Variants in TM9SF4 observed in about 807,000 individuals in gnomAD.
TM9SF4 encodes the protein transmembrane 9 superfamily member 4, also known as dinucleotide oxidase disulfide thiol exchanger 3 superfamily member 4.
In TM9SF4, 26 loss-of-function variants were observed where a neutral mutation model predicts 90.4. The ratio of observed to expected loss-of-function variants is 0.29; its 90% CI spans 0.21 to 0.40. TM9SF4 has a LOEUF of 0.40. Ranked by LOEUF, TM9SF4 falls within the 10% of genes least tolerant of loss-of-function variation. TM9SF4 has a pLI of 1.00. For missense variants in TM9SF4, 549 were observed against 834.8 expected (o/e 0.66, Z 4.22); for synonymous variants, 293 against 315.4 (o/e 0.93, Z 0.75).
intron 6 of TM9SF4, among the ~76,000 whole-genome samples, chr20:32,143,831 C>G (rs538872637): frequency 7.9e-4 from 120 of 152,286 alleles, no homozygotes; most frequent in Middle Eastern, 3.4e-3. Flanking sequence ...CACATCTCCC[C>G]TGGGAGCTTC....
intron 12 of TM9SF4, among the ~76,000 whole-genome samples, chr20:32,153,720 A>C (rs2046876262): frequency 6.6e-6 from 1 of 152,118 alleles, no homozygotes; most frequent in South Asian, 2.1e-4. Flanking sequence ...CTCCAGCCTG[A>C]GTGACAGAGT....
chr20:32,153,596 T>A (rs1282864457), intron 12 of TM9SF4, among the ~76,000 whole-genome samples: 1 of 151,674 alleles, frequency 6.6e-6, no homozygotes, highest in East Asian at 1.9e-4. Context: ...AAAAAATAAA[T>A]TACTTGGATG....
chr20:32,152,005 G>T (rs1156605274), intron 12 of TM9SF4, among the ~76,000 whole-genome samples: 1 of 151,670 alleles, frequency 6.6e-6, no homozygotes, highest in African/African-American at 2.4e-5. Flanking sequence ...GGGACTACAG[G>T]TGCCCACCAC....
chr20:32,122,368 A>T (rs1284403902), intron 1 of TM9SF4, among the ~76,000 whole-genome samples: 2 of 150,168 alleles, frequency 1.3e-5, no homozygotes, highest in East Asian at 4.0e-4. Flanking sequence ...CACTTCCCAG[A>T]CGGGGTGGCT....
chr20:32,125,208 C>T (rs562142963), intron 1 of TM9SF4, among the ~76,000 whole-genome samples: 63 of 152,240 alleles, frequency 4.1e-4, no homozygotes, highest in African/African-American at 1.5e-3. Context: ...TCTTGTGCAA[C>T]CCAAAACAAG....
At chr20:32,145,994 G>A (rs2046757132) in intron 8 of TM9SF4, among the ~76,000 whole-genome samples, 1 of 152,198 alleles carries the variant, frequency 6.6e-6, no homozygotes, top group Non-Finnish European at 1.5e-5. Flanking sequence ...AGCGAGATAA[G>A]CTCAGCAAGA....
intron 1 of TM9SF4, among the ~76,000 whole-genome samples, chr20:32,111,247 C>T (rs886873732): frequency 2.6e-5 from 4 of 152,086 alleles, no homozygotes; most frequent in African/African-American, 9.7e-5. Flanking sequence ...ATGTTGAAAC[C>T]TACATATATG....
At chr20:32,149,066 T>G (rs1453071236) in intron 9 of TM9SF4, among the ~76,000 whole-genome samples, 1 of 152,234 alleles carries the variant, frequency 6.6e-6, no homozygotes, top group Non-Finnish European at 1.5e-5. Flanking sequence ...CATAGTGTGA[T>G]CCCAATGTTA....
chr20:32,166,661 TAGAA>T lies in TM9SF4; in HGVS notation c.*1222_*1225del, dbSNP rs1199486363. The T allele has an allele frequency of 6.6e-6, 1 of 152,252 alleles. No individual in the cohort carries two copies. The highest frequency in any genetic ancestry group is 6.5e-5 in the Admixed American group (1 of 15,284). The allele number at this position is 152,252 out of a possible 1,614,324, so 9.4% of individuals were successfully genotyped here. ...CCCAGGAATGGACAAGAAGCCAACT[TAGAA>T]AGAAGGGTCTCACGTGGCTGGCCTG... On this transcript the variant is annotated 3_prime_UTR_variant, in exon 18 of 18. Coordinates refer to ENST00000398022, the MANE Select transcript of TM9SF4 (RefSeq NM_014742.4).
intron 16 of TM9SF4, chr20:32,161,051 A>T: frequency 3.2e-6 from 1 of 313,474 alleles, no homozygotes; most frequent in Non-Finnish European, 5.8e-6. Context: ...TTTTTTTTTT[A>T]ATGAGGTATA....
chr20:32,141,143 G>C (rs904405177), intron 3 of TM9SF4, among the ~76,000 whole-genome samples: 1 of 150,156 alleles, frequency 6.7e-6, no homozygotes, highest in Non-Finnish European at 1.5e-5. Context: ...CCTGAACCCA[G>C]GAGGCAGAGT....
chr20:32,110,074 C>T (rs2046118244), intron 1 of TM9SF4: 2 of 1,266,982 alleles, frequency 1.6e-6, no homozygotes, highest in Non-Finnish European at 2.0e-6. Flanking sequence ...CCTCCCTGTC[C>T]TGACCCCTCT....
intron 1 of TM9SF4, among the ~76,000 whole-genome samples, chr20:32,131,012 T>G (rs2046502101): frequency 6.6e-6 from 1 of 152,118 alleles, no homozygotes; most frequent in African/African-American, 2.4e-5. Context: ...TAAAAAGTTC[T>G]TTTAAAAAAA....
intron 1 of TM9SF4, among the ~76,000 whole-genome samples, chr20:32,112,180 C>A (rs567358108): frequency 9.9e-5 from 15 of 152,242 alleles, no homozygotes; most frequent in African/African-American, 3.6e-4. Flanking sequence ...GAGACCAAAG[C>A]TGGGAGATCG....
intron 6 of TM9SF4, among the ~76,000 whole-genome samples, chr20:32,143,369 A>G (rs1049456938): frequency 4.6e-5 from 7 of 152,180 alleles, no homozygotes; most frequent in African/African-American, 1.7e-4. Flanking sequence ...CAAAGGAAGA[A>G]CTAGAGGCTC....
chr20:32,160,920 A>G (rs991788736), intron 16 of TM9SF4, among the ~76,000 whole-genome samples: 1 of 122,940 alleles, frequency 8.1e-6, no homozygotes, highest in Non-Finnish European at 1.6e-5. Flanking sequence ...ACTGCACTCC[A>G]TCCTGGGCGA....
chr20:32,141,481 G>A lies in TM9SF4; in HGVS notation c.230-16G>A, dbSNP rs769621358. The A allele has an allele frequency of 5.6e-6, 9 of 1,613,418 alleles. No homozygotes were observed. The highest frequency in any genetic ancestry group is 6.8e-6 in the Non-Finnish European group (8 of 1,179,562). ...AGGGCTGAAGCTCTGAGCTTGATCT[G>A]TCTCTCTTACGGCAGGAGAGGTGCT... On this transcript the variant is annotated splice_polypyrimidine_tract_variant and intron_variant, in intron 3 of 17. Coordinates refer to ENST00000398022, the MANE Select transcript of TM9SF4 (RefSeq NM_014742.4).
At chr20:32,157,747 C>A in intron 13 of TM9SF4, 47 bp from the exon 14 acceptor site, 1 of 1,603,854 alleles carries the variant, frequency 6.2e-7, no homozygotes, top group Non-Finnish European at 8.5e-7. Context: ...CAGCCCCCAT[C>A]CCGGGCATCA....
At chr20:32,112,693 CAAA>C (rs11406793) in intron 1 of TM9SF4, among the ~76,000 whole-genome samples, 5 of 121,688 alleles carry the variant, frequency 4.1e-5, no homozygotes, top group Admixed American at 8.4e-5. Flanking sequence ...GACCCTATCT[CAAA>C]AAAAAAAAAA....
Sources: allele counts gnomAD v4.1 joint callset (sites outside exome capture counted in the v4.1 genomes callset), GRCh38; gene constraint gnomAD v4.1.1; transcripts MANE v1.5; gene names NCBI Gene and HGNC (gene_info 2026-07-23, HGNC 2026-07-21).